The following CPN1 variants were observed in gnomAD, a reference collection of about 807,000 sequenced individuals.
The protein encoded by CPN1 is carboxypeptidase N catalytic chain.
A neutral mutation model predicts 46.4 loss-of-function variants in CPN1; 37 were observed. The ratio of observed to expected loss-of-function variants is 0.80; its 90% CI spans 0.61 to 1.05. The LOEUF is 1.05. CPN1 is among the 50% of genes least tolerant of loss of function. The probability of loss-of-function intolerance (pLI) is 0.00; values close to 1 mark genes in which losing one functional copy is unlikely to be tolerated. For synonymous variants in CPN1, 224 were observed against 235.4 expected, an observed-to-expected ratio of 0.95 and a Z score of 0.44; for missense variants, 563 against 602.6, an observed-to-expected ratio of 0.93 and a Z score of 0.69.
At chr10:100,065,558 G>T (rs1327184687) in intron 3 of CPN1, among the ~76,000 whole-genome samples, 188 bp from the exon 4 acceptor site, 3 of 152,212 alleles carry the variant, frequency 2.0e-5, no homozygotes, top group Non-Finnish European at 4.4e-5. Flanking sequence ...TTCAACAATG[G>T]CGTGTATAGA....
chr10:100,080,740 A>G (rs916010838), intron 1 of CPN1, among the ~76,000 whole-genome samples: 1 of 152,114 alleles, frequency 6.6e-6, no homozygotes, highest in Non-Finnish European at 1.5e-5. Context: ...TAAAAATACA[A>G]AAATTAGCCG....
intron 5 of CPN1, among the ~76,000 whole-genome samples, chr10:100,061,751 A>G (rs1401548756): frequency 1.3e-5 from 2 of 152,228 alleles, no homozygotes; most frequent in Non-Finnish European, 2.9e-5. Context: ...TATATTGGTT[A>G]TTTTCAATTT....
chr10:100,043,091 CAAAAA>C (rs749971720), intron 8 of CPN1, among the ~76,000 whole-genome samples: 2 of 57,606 alleles, frequency 3.5e-5, no homozygotes, highest in Non-Finnish European at 7.3e-5. Context: ...GACTCCATCT[CAAAAA>C]AAAAAAAAAA....
chr10:100,051,474 TGC>T (rs2041352696), intron 7 of CPN1, among the ~76,000 whole-genome samples: 2 of 152,244 alleles, frequency 1.3e-5, no homozygotes, highest in Admixed American at 6.5e-5. Context: ...CTAGATGCTT[TGC>T]TAAGTAATAT....
In CPN1 at chr10:100,076,147, C is replaced by T. The variant is rs1196503835; in HGVS notation, c.224-40G>A. On this transcript the variant is annotated intron_variant, in intron 1 of 8. Transcript: ENST00000370418. ...AAAGATGGGGGAAGCTTGGAAGTGT[C>T]ATTGATGCCTAACCTTGCAGAAGGA... 1.9e-6 allele frequency: 3 copies of T among 1,593,428 alleles called. No individual in the cohort carries two copies. In the East Asian group the frequency reaches 6.7e-5, roughly 36 times the overall value.
chr10:100,042,981 C>G (rs1353209884), intron 8 of CPN1, among the ~76,000 whole-genome samples: 1 of 151,280 alleles, frequency 6.6e-6, no homozygotes, highest in Non-Finnish European at 1.5e-5. Flanking sequence ...ATAGTCCCAG[C>G]TACTCAGGAG....
chr10:100,081,057 A>G (rs1490008207), intron 1 of CPN1, among the ~76,000 whole-genome samples: 4 of 152,128 alleles, frequency 2.6e-5, no homozygotes, highest in African/African-American at 9.7e-5. Flanking sequence ...ATGTCTCCTG[A>G]GCCATTGGGT....
At chr10:100,071,076 G>A (rs1290396946) in intron 2 of CPN1, among the ~76,000 whole-genome samples, 1 of 152,128 alleles carries the variant, frequency 6.6e-6, no homozygotes, top group African/African-American at 2.4e-5. Flanking sequence ...TGGGCATAAT[G>A]TTTGTGAGGT....
chr10:100,056,927 C>T, intron 6 of CPN1, 86 bp downstream of exon 6: 1 of 1,562,814 alleles, frequency 6.4e-7, no homozygotes, highest in Non-Finnish European at 8.8e-7. Flanking sequence ...GAGCAAAAGT[C>T]AGACCTGAAC....
At chr10:100,042,694 G>A in intron 8 of CPN1, 121 bp from the exon 9 acceptor site, 2 of 1,252,436 alleles carry the variant, frequency 1.6e-6, no homozygotes, top group Non-Finnish European at 2.3e-6. Context: ...AAGCACTGGT[G>A]GTGTCATATA....
Position 100,081,796 on chromosome 10 carries a change from G to C in CPN1, c.-171C>G, listed in dbSNP as rs958792180. 18 of 665,404 alleles carry C rather than the reference G, an allele frequency of 2.7e-5. No homozygotes were observed. The highest frequency in any genetic ancestry group is 1.2e-4 in the African/African-American group (7 of 56,276). 41.2% of individuals were successfully genotyped at this position (665,404 alleles called of 1,614,324 possible). A position where few individuals can be genotyped will look rare whatever the true frequency, so the allele number is the denominator to read the frequency against. On this transcript the variant is annotated 5_prime_UTR_variant, in exon 1 of 9. Transcript: ENST00000370418. ...TCCAAGGCTGGAAATTCTTTATGTC[G>C]TTCTGGAATAGCCACTCATCTCTCC... is the stretch of plus-strand genomic sequence containing the variant.
At chr10:100,056,907 G>GA (rs2041387260) in intron 6 of CPN1, 106 bp downstream of exon 6, 3 of 1,381,504 alleles carry the variant, frequency 2.2e-6, no homozygotes, top group Non-Finnish European at 3.1e-6. Context: ...AGATCTATTG[G>GA]ACTGAGTCAG....
In CPN1 at chr10:100,069,809, G is replaced by A. The variant is rs754072457; in HGVS notation, c.481C>T (p.Arg161Cys). Residue 161 changes from arginine (R) to cysteine (C), a missense_variant, in exon 3 of 9, where the codon CGC (arginine) becomes TGC (cysteine). Physicochemically the swap from Arg to Cys is radical, Grantham distance 180. Coordinates refer to ENST00000370418, the MANE Select transcript of CPN1 (RefSeq NM_001308.3). The part of the protein sequence containing the change: ...RNNANGVDLN[R>C]NFPDLNTYIY... ...TAGGTATTGAGATCAGGGAAGTTGC[G>A]GTTCAGGTCCACTCCATTTGCATTG... 3.7e-6 allele frequency: 6 copies of A among 1,613,824 alleles called. No individual in the cohort carries two copies. Among genetic ancestry groups the A allele is most frequent in the Middle Eastern group, 1.6e-4 (1 of 6,062 alleles).
rs770685284 is a variant in CPN1, at chr10:100,057,067, C to T, written c.957G>A (p.Glu319=). The change falls in exon 6 of 9, where the codon GAG becomes GAA. Residue 319 remains glutamate (E), a synonymous_variant. Transcript: ENST00000370418. ...GATTACCCAGCCACTCCCGCTGTAA[C>T]TCCTCTTCGGGGGGAAACTTGTCGC... ...LSCDKFPPEE[E]LQREWLGNRE... The T allele has an allele frequency of 3.7e-6, 6 of 1,614,172 alleles. No individual in the cohort carries two copies. The South Asian group carries it at 6.6e-5, about 18-fold the overall frequency.
At chr10:100,076,596 G>A (rs572299432) in intron 1 of CPN1, among the ~76,000 whole-genome samples, 61 of 152,306 alleles carry the variant, frequency 4.0e-4, no homozygotes, top group African/African-American at 1.0e-3. Context: ...AGGTTTTAGC[G>A]TAACAGCCGC....
At chr10:100,045,338 C>A (rs946366914) in intron 8 of CPN1, among the ~76,000 whole-genome samples, 1 of 152,074 alleles carries the variant, frequency 6.6e-6, no homozygotes, top group African/African-American at 2.4e-5. Flanking sequence ...AACAGTCATT[C>A]AATTTTAGGA....
Position 100,054,392 on chromosome 10 carries a change from T to C in CPN1, c.1066A>G (p.Asn356Asp). Residue 356 changes from asparagine to aspartate, a missense_variant, in exon 7 of 9, where the codon AAT becomes GAT. Asn to Asp is a conservative substitution (Grantham distance 23). Coordinates refer to ENST00000370418, the MANE Select transcript of CPN1 (RefSeq NM_001308.3). ...VLDENYNNLANAVISVSGINH... is the reference protein window; with the variant it reads ...VLDENYNNLADAVISVSGINH... ...ATCCCACTGACAGAAATGACAGCAT[T>C]GGCGAGATTATTGTAATTCTCATCA... 1 of 1,614,118 alleles carries C rather than the reference T, an allele frequency of 6.2e-7. No individual in the cohort carries two copies. Among genetic ancestry groups the C allele is most frequent in the South Asian group, 1.1e-5 (1 of 91,074 alleles).
At chr10:100,070,460 T>A (rs1458245106) in intron 2 of CPN1, among the ~76,000 whole-genome samples, 1 of 152,076 alleles carries the variant, frequency 6.6e-6, no homozygotes, top group Non-Finnish European at 1.5e-5. Flanking sequence ...ACAGCCTGGG[T>A]GACAGAGCAA....
intron 7 of CPN1, among the ~76,000 whole-genome samples, chr10:100,052,377 A>C (rs1246602358): frequency 6.6e-6 from 1 of 151,684 alleles, no homozygotes; most frequent in African/African-American, 2.4e-5. Flanking sequence ...GGCCACACCC[A>C]GCTAATTTTT....
Sources: allele counts gnomAD v4.1 joint callset (sites outside exome capture counted in the v4.1 genomes callset), GRCh38; gene constraint gnomAD v4.1.1; transcripts MANE v1.5; gene names NCBI Gene and HGNC (gene_info 2026-07-23, HGNC 2026-07-21).